Variants in RBFOX1 observed in about 807,000 individuals in gnomAD.
RBFOX1 encodes the protein RNA binding fox-1 homolog 1.
RBFOX1 carries 8 observed loss-of-function variants against 57.7 expected under a neutral mutation model. That is an observed-to-expected ratio of 0.14 (90% CI 0.08 to 0.25). RBFOX1 has a LOEUF of 0.25. Among genes scored for constraint, RBFOX1 ranks in the 10% least tolerant of loss-of-function variants. RBFOX1 has a pLI of 1.00. For missense variants in RBFOX1, 611 were observed against 548.5 expected, an observed-to-expected ratio of 1.11 and a Z score of -1.14; for synonymous variants, 326 against 222.4, an observed-to-expected ratio of 1.47 and a Z score of -4.15.
At chr16:6,623,694 G>A (rs1010887233) in intron 2 of RBFOX1, among the ~76,000 whole-genome samples, 2 of 152,060 alleles carry the variant, frequency 1.3e-5, no homozygotes, top group East Asian at 3.9e-4. Flanking sequence ...AACATGCGGT[G>A]TTTGGTTTTT....
intron 1 of RBFOX1, among the ~76,000 whole-genome samples, chr16:6,077,805 C>T (rs1396094238): frequency 6.6e-6 from 1 of 151,938 alleles, no homozygotes; most frequent in Non-Finnish European, 1.5e-5. Flanking sequence ...CAGCCTCGAC[C>T]TCCTGGCCTC....
chr16:7,299,980 A>C (rs1026989332), intron 4 of RBFOX1, among the ~76,000 whole-genome samples: 1 of 152,248 alleles, frequency 6.6e-6, no homozygotes, highest in African/African-American at 2.4e-5. Context: ...GTATTAAACA[A>C]ATGTGAGGCT....
chr16:7,086,029 G>T (rs2059933359), intron 4 of RBFOX1, among the ~76,000 whole-genome samples: 1 of 152,132 alleles, frequency 6.6e-6, no homozygotes, highest in South Asian at 2.1e-4. Flanking sequence ...TTACCTCTCT[G>T]AGATAGCCAG....
At position 6,575,450 on chromosome 16, in the gene RBFOX1, G is replaced by T. The variant is rs146064778; in HGVS notation, c.-63-79153G>T. ...GCTGATTGATACAAACAAGAGTTAA[G>T]TTCCTGCAGCACATTTCTGGTCATA... On this transcript the variant is annotated intron_variant, in intron 2 of 15. Coordinates refer to ENST00000550418, the MANE Select transcript of RBFOX1 (RefSeq NM_018723.4). Among the ~76,000 whole-genome samples the T allele has an allele frequency of 3.4e-4, 52 of 152,278 alleles. No homozygotes were observed. The East Asian group carries it at 4.6e-3, about 14-fold the overall frequency.
intron 2 of RBFOX1, among the ~76,000 whole-genome samples, chr16:6,468,352 C>T (rs1458962071): frequency 6.6e-6 from 1 of 152,118 alleles, no homozygotes; most frequent in Non-Finnish European, 1.5e-5. Context: ...AGCTTGTGCC[C>T]CACTGCTGGG....
chr16:6,021,444 C>T (rs567224612), intron 1 of RBFOX1, among the ~76,000 whole-genome samples: 2 of 152,280 alleles, frequency 1.3e-5, no homozygotes, highest in African/African-American at 4.8e-5. Flanking sequence ...TTATTTTTAG[C>T]TAAGATCTTT....
chr16:6,385,609 C>G (rs568935589), intron 2 of RBFOX1, among the ~76,000 whole-genome samples: 1 of 152,234 alleles, frequency 6.6e-6, no homozygotes, highest in Non-Finnish European at 1.5e-5. Context: ...ATCCACCTGC[C>G]TCGGCCTCCC....
intron 1 of RBFOX1, among the ~76,000 whole-genome samples, chr16:6,255,999 T>C (rs1016708703): frequency 2.1e-4 from 32 of 150,968 alleles, no homozygotes; most frequent in Non-Finnish European, 4.6e-4. Flanking sequence ...ATGGCACATG[T>C]ATATCTATGT....
rs148285658 is a variant in RBFOX1 at position 7,221,108 on chromosome 16, G to T, written c.27+169010G>T. On this transcript the variant is annotated intron_variant, in intron 4 of 15. Coordinates refer to ENST00000550418, the MANE Select transcript of RBFOX1 (RefSeq NM_018723.4). ...GGTTGATGTGACTAAATTTTGATTT[G>T]ATTTGCTGCGTTTTATGTGGTGGCT... Among the ~76,000 whole-genome samples the T allele has an allele frequency of 3.2e-3, 480 of 152,128 alleles. 8 individuals carry two copies. The highest frequency in any genetic ancestry group is 0.011 in the African/African-American group (453 of 41,510).
intron 3 of RBFOX1, among the ~76,000 whole-genome samples, chr16:6,722,415 A>C (rs752063321): frequency 4.6e-5 from 7 of 152,164 alleles, no homozygotes; most frequent in Non-Finnish European, 8.8e-5. Flanking sequence ...GAAGTATATT[A>C]TTTGCAGAGC....
chr16:6,662,788 A>G (rs1474151622), intron 3 of RBFOX1, among the ~76,000 whole-genome samples: 1 of 146,592 alleles, frequency 6.8e-6, no homozygotes, highest in Non-Finnish European at 1.5e-5. Context: ...TTTGCATTAG[A>G]GTTACTTTCT....
chr16:6,669,505 A>T (rs535477670), intron 3 of RBFOX1, among the ~76,000 whole-genome samples: 2 of 152,254 alleles, frequency 1.3e-5, no homozygotes, highest in South Asian at 4.1e-4. Flanking sequence ...TTGCAGTATG[A>T]TTGACAAGTA....
intron 1 of RBFOX1, among the ~76,000 whole-genome samples, chr16:6,083,092 C>A (rs1315415082): frequency 1.3e-5 from 2 of 152,022 alleles, no homozygotes; most frequent in Admixed American, 1.3e-4. Flanking sequence ...ACCTCCTCCT[C>A]CCAGGTTCAA....
intron 1 of RBFOX1, among the ~76,000 whole-genome samples, chr16:6,309,164 A>C (rs2079925335): frequency 6.6e-6 from 1 of 152,118 alleles, no homozygotes; most frequent in South Asian, 2.1e-4. Flanking sequence ...AATATAAACA[A>C]ACCTTGAAAT....
chr16:6,143,833 T>C (rs1226139987), intron 1 of RBFOX1, among the ~76,000 whole-genome samples: 1 of 151,974 alleles, frequency 6.6e-6, no homozygotes, highest in Non-Finnish European at 1.5e-5. Flanking sequence ...TCTTGCTCTT[T>C]TGCCTAGGCT....
At chr16:6,878,940 T>C (rs1016681737) in intron 3 of RBFOX1, among the ~76,000 whole-genome samples, 1 of 152,084 alleles carries the variant, frequency 6.6e-6, no homozygotes, top group Non-Finnish European at 1.5e-5. Flanking sequence ...TTCCCCTATG[T>C]TAGGGGAGGA....
chr16:7,201,316 A>G (rs2088373184), intron 4 of RBFOX1, among the ~76,000 whole-genome samples: 1 of 152,196 alleles, frequency 6.6e-6, no homozygotes, highest in Non-Finnish European at 1.5e-5. Context: ...TGAAGTCACC[A>G]GCTGAGGTGA....
intron 3 of RBFOX1, among the ~76,000 whole-genome samples, chr16:6,916,904 C>T (rs972767968): frequency 6.6e-6 from 1 of 152,142 alleles, no homozygotes; most frequent in African/African-American, 2.4e-5. Flanking sequence ...GGCTAGAGTG[C>T]AGTGACATAA....
At chr16:6,567,110 C>A (rs77471243) in intron 2 of RBFOX1, among the ~76,000 whole-genome samples, 1 of 152,190 alleles carries the variant, frequency 6.6e-6, no homozygotes, top group African/African-American at 2.4e-5. Context: ...AATGAGCAGG[C>A]TGTCCAGATT....
Sources: gnomAD v4.1 joint callset for allele counts (sites outside exome capture counted in the v4.1 genomes callset) on GRCh38, gnomAD v4.1.1 for gene constraint, MANE v1.5 for transcripts, NCBI Gene and HGNC (gene_info 2026-07-23, HGNC 2026-07-21) for gene names.